Variants in SLC12A6 observed in about 807,000 individuals in gnomAD.
SLC12A6 encodes solute carrier family 12 member 6.
A neutral mutation model predicts 135.3 loss-of-function variants in SLC12A6; 66 were observed. The observed-to-expected ratio is 0.49, with a 90% CI of 0.40 to 0.60. SLC12A6 has a LOEUF of 0.60. Among genes scored for constraint, SLC12A6 ranks in the 20% least tolerant of loss-of-function variants. The pLI, the probability that SLC12A6 is intolerant of heterozygous loss-of-function variation, is 0.00. For synonymous variants in SLC12A6, 513 were observed against 508.8 expected (o/e 1.01, Z -0.11); for missense variants, 1,058 against 1,452.3 (o/e 0.73, Z 4.41).
chr15:34,324,519 T>C (rs754873739), intron 2 of SLC12A6, among the ~76,000 whole-genome samples: 22 of 152,174 alleles, frequency 1.4e-4, no homozygotes, highest in Non-Finnish European at 2.4e-4. Context: ...TGGGTCTATT[T>C]TGGGGTAGTA....
intron 2 of SLC12A6, among the ~76,000 whole-genome samples, chr15:34,316,598 A>T (rs1341136293): frequency 6.6e-6 from 1 of 152,204 alleles, no homozygotes; most frequent in Admixed American, 6.5e-5. Flanking sequence ...TATTAAACTC[A>T]ATTTAGATTA....
Position 34,331,186 on chromosome 15 carries a change from T to A in SLC12A6, c.271+5224A>T, listed in dbSNP as rs548399662. On this transcript the variant is annotated intron_variant, in intron 2 of 25. Transcript: ENST00000354181. ...GTTTGTCAGGGTAGAGGTATTTATT[T>A]ATTTGAGACAGAGTCTCGCTCTGTC... Among the ~76,000 whole-genome samples, 12 of 152,330 alleles carry A rather than the reference T, an allele frequency of 7.9e-5. No homozygotes were observed. In the South Asian group the frequency reaches 2.3e-3, roughly 29 times the overall value.
chr15:34,297,049 C>T (rs1048990547), intron 2 of SLC12A6, among the ~76,000 whole-genome samples: 5 of 152,182 alleles, frequency 3.3e-5, no homozygotes, highest in African/African-American at 1.2e-4. Flanking sequence ...CTTCTCCCCT[C>T]ATCCTGCCAT....
Position 34,255,247 on chromosome 15 carries a change from G to A in SLC12A6, c.876+15C>T. ...TTTCTTCTATATTATAGACCACAAT[G>A]AAGTCATTACTTACCAGAAAGATTT... is the stretch of plus-strand genomic sequence containing the variant. On this transcript the variant is annotated intron_variant, in intron 8 of 25. Coordinates refer to ENST00000354181, the MANE Select transcript of SLC12A6 (RefSeq NM_001365088.1). 6.4e-7 allele frequency: 1 copy of A among 1,568,668 alleles called. No homozygotes were observed. Among genetic ancestry groups the A allele is most frequent in the African/African-American group, 1.3e-5 (1 of 74,150 alleles).
At chr15:34,317,514 C>T (rs1459886437) in intron 2 of SLC12A6, among the ~76,000 whole-genome samples, 1 of 152,026 alleles carries the variant, frequency 6.6e-6, no homozygotes, top group Non-Finnish European at 1.5e-5. Flanking sequence ...ATCAGCCTGG[C>T]CAAAAAGGTG....
chr15:34,296,734 C>A lies in SLC12A6; in HGVS notation c.272-21345G>T, dbSNP rs115488877. 5.9e-3 allele frequency among the ~76,000 whole-genome samples: 900 copies of A among 152,208 alleles called. 14 individuals carry two copies. The highest frequency in any genetic ancestry group is 0.02 in the African/African-American group (848 of 41,524). On this transcript the variant is annotated intron_variant, in intron 2 of 25. Coordinates refer to ENST00000354181, the MANE Select transcript of SLC12A6 (RefSeq NM_001365088.1). ...CGACCCAGGTAAGACTGCCCCATCC[C>A]TTTTTGCCAAGAGCATGGCAGAACA...
At position 34,337,726 on chromosome 15, in the gene SLC12A6, T is replaced by A. The variant is rs1474528068; in HGVS notation, c.-467A>T. ...GGAGAAGGAGGTCGCAGGTGCAGTA[T>A]CCCGGCGCCAGCTGATGCGGGTGCG... On this transcript the variant is annotated 5_prime_UTR_variant, in exon 1 of 26. Coordinates refer to ENST00000354181, the MANE Select transcript of SLC12A6 (RefSeq NM_001365088.1). The A allele has an allele frequency of 1.3e-5, 2 of 152,302 alleles. No individual in the cohort carries two copies. Among genetic ancestry groups the A allele is most frequent in the Admixed American group, 1.3e-4 (2 of 15,290 alleles). The allele number at this position is 152,302 out of a possible 1,614,324, so 9.4% of individuals were successfully genotyped here.
chr15:34,237,784 G>C (rs958557472), intron 21 of SLC12A6, among the ~76,000 whole-genome samples: 3 of 152,046 alleles, frequency 2.0e-5, no homozygotes, highest in Non-Finnish European at 4.4e-5. Context: ...ACTGGCAAAA[G>C]AAAAGATGGT....
Position 34,237,382 on chromosome 15 carries a change from G to A in SLC12A6, c.2934+37C>T, listed in dbSNP as rs750339224. 3.8e-6 allele frequency: 6 copies of A among 1,592,814 alleles called. No individual in the cohort carries two copies. The South Asian group carries it at 4.4e-5, about 12-fold the overall frequency. ...AAGGAAGACAGGGAGAGGAATGGGG[G>A]AATGAACCTCTTGTATCTCAAACTC... On this transcript the variant is annotated intron_variant, in intron 22 of 25. Coordinates refer to ENST00000354181, the MANE Select transcript of SLC12A6 (RefSeq NM_001365088.1).
intron 2 of SLC12A6, among the ~76,000 whole-genome samples, chr15:34,325,447 C>T (rs1197898404): frequency 6.6e-6 from 1 of 152,100 alleles, no homozygotes; most frequent in Non-Finnish European, 1.5e-5. Context: ...TAAATCTTGA[C>T]TTGAAACTGT....
intron 15 of SLC12A6, among the ~76,000 whole-genome samples, chr15:34,244,799 C>T (rs1329530659): frequency 6.6e-6 from 1 of 152,216 alleles, no homozygotes; most frequent in African/African-American, 2.4e-5. Context: ...TCTTGAGTTT[C>T]CATCTGTTTA....
chr15:34,326,038 C>T (rs948455484), intron 2 of SLC12A6, among the ~76,000 whole-genome samples: 1 of 152,210 alleles, frequency 6.6e-6, no homozygotes, highest in Non-Finnish European at 1.5e-5. Flanking sequence ...TGATGGCTAG[C>T]TAATTTGATA....
intron 2 of SLC12A6, among the ~76,000 whole-genome samples, chr15:34,312,429 G>A (rs777061564): frequency 5.3e-5 from 8 of 152,298 alleles, no homozygotes; most frequent in African/African-American, 9.6e-5. Context: ...CTGGAGATAC[G>A]AAAATGATCT....
chr15:34,287,679 G>A (rs779219332), intron 2 of SLC12A6, among the ~76,000 whole-genome samples: 1 of 152,198 alleles, frequency 6.6e-6, no homozygotes, highest in Non-Finnish European at 1.5e-5. Flanking sequence ...TCTAACTGGT[G>A]TGAGATGGTA....
chr15:34,323,858 T>C (rs1889283921), intron 2 of SLC12A6, among the ~76,000 whole-genome samples: 1 of 150,588 alleles, frequency 6.6e-6, no homozygotes, highest in African/African-American at 2.5e-5. Context: ...GGAGGATTGC[T>C]TGAGCCTGGG....
Position 34,229,878 on chromosome 15 carries a change from TA to T in SLC12A6, c.*4002del. ...GTGGCTCCTCAGCATACTCTTAAAC[TA>T]ATCACTTATGTTAAAAAGAACCAAA... On this transcript the variant is annotated 3_prime_UTR_variant, in exon 26 of 26. Coordinates refer to ENST00000354181, the MANE Select transcript of SLC12A6 (RefSeq NM_001365088.1). The T allele has an allele frequency of 8.3e-7, 1 of 1,207,622 alleles. No individual in the cohort carries two copies. Among genetic ancestry groups the T allele is most frequent in the African/African-American group, 1.5e-5 (1 of 66,964 alleles). 74.8% of individuals were successfully genotyped at this position (1,207,622 alleles called of 1,614,324 possible).
At chr15:34,334,283 T>C (rs1178271433) in intron 2 of SLC12A6, among the ~76,000 whole-genome samples, 3 of 152,076 alleles carry the variant, frequency 2.0e-5, no homozygotes, top group Non-Finnish European at 4.4e-5. Context: ...AATACTAAAA[T>C]AGCAAACTAA....
At chr15:34,310,517 G>T (rs1349910934) in intron 2 of SLC12A6, among the ~76,000 whole-genome samples, 6 of 95,902 alleles carry the variant, frequency 6.3e-5, no homozygotes, top group East Asian at 3.1e-4. Flanking sequence ...TGTCCCCGTG[G>T]CCAGGCTAGT....
In SLC12A6 at chr15:34,265,402, T is replaced by A. The variant is rs565392958; in HGVS notation, c.317-4382A>T. Among the ~76,000 whole-genome samples the A allele has an allele frequency of 1.2e-3, 139 of 119,698 alleles. 1 individual carries two copies. Among genetic ancestry groups the A allele is most frequent in the African/African-American group, 3.7e-3 (120 of 32,502 alleles). 78.5% of individuals were successfully genotyped at this position (119,698 alleles called of 152,430 possible). The stretch of plus-strand genomic sequence containing the variant: ...AGTAAGTAAAAACAACAACAGCAAT[T>A]AAAAAAAAAAAAACAAACAAAAAAG... On this transcript the variant is annotated intron_variant, in intron 3 of 25. Coordinates refer to ENST00000354181, the MANE Select transcript of SLC12A6 (RefSeq NM_001365088.1).
Sources: allele counts gnomAD v4.1 joint callset (sites outside exome capture counted in the v4.1 genomes callset), GRCh38; gene constraint gnomAD v4.1.1; transcripts MANE v1.5; gene names NCBI Gene and HGNC (gene_info 2026-07-23, HGNC 2026-07-21).